SNX27: variants seen among roughly 807,000 people sequenced by gnomAD.
The protein encoded by SNX27 is sorting nexin 27.
SNX27 carries 22 observed loss-of-function variants against 71.6 expected under a neutral mutation model. The observed-to-expected ratio is 0.31, with a 90% CI of 0.22 to 0.44. SNX27 has a LOEUF of 0.44. SNX27 is among the 20% of genes least tolerant of loss of function. The probability of loss-of-function intolerance (pLI) is 1.00; values close to 1 mark genes in which losing one functional copy is unlikely to be tolerated. For missense variants in SNX27, 531 were observed against 698.6 expected (o/e 0.76, Z 2.70); for synonymous variants, 269 against 277.2 (o/e 0.97, Z 0.29).
At chr1:151,687,581 CAG>C (rs1355251421) in intron 8 of SNX27, among the ~76,000 whole-genome samples, 3 of 152,270 alleles carry the variant, frequency 2.0e-5, no homozygotes, top group African/African-American at 7.2e-5. Context: ...TTTGGGAGAA[CAG>C]AGAGTTCTCT....
intron 7 of SNX27, 51 bp downstream of exon 7, chr1:151,668,686 A>G (rs1015699206): frequency 4.5e-6 from 7 of 1,564,584 alleles, no homozygotes; most frequent in East Asian, 2.2e-5. Flanking sequence ...ATGTTTGAAT[A>G]TAGTTGGTAC....
intron 2 of SNX27, among the ~76,000 whole-genome samples, chr1:151,648,014 AC>A (rs774801159): frequency 2.1e-4 from 32 of 152,170 alleles, no homozygotes; most frequent in East Asian, 5.8e-4. Context: ...CAACAAAAAA[AC>A]AATTGCCTTT....
Position 151,694,457 on chromosome 1 carries a change from C to T in SNX27, c.*40C>T. On this transcript the variant is annotated 3_prime_UTR_variant, in exon 12 of 12. Coordinates refer to ENST00000458013, the MANE Select transcript of SNX27 (RefSeq NM_001330723.2). Reference sequence around the variant, plus strand: ...CTTCCCTTCCCTTCACCCCCATCCTCTTACTCCTTTCATGTCCCATTTCAG... The same window carrying T: ...CTTCCCTTCCCTTCACCCCCATCCTTTTACTCCTTTCATGTCCCATTTCAG... The T allele has an allele frequency of 6.5e-7, 1 of 1,533,676 alleles. No homozygotes were observed. Among genetic ancestry groups the T allele is most frequent in the African/African-American group, 1.4e-5 (1 of 72,506 alleles).
chr1:151,629,418 G>C (rs1287202380), intron 1 of SNX27: 2 of 150,480 alleles, frequency 1.3e-5, no homozygotes, highest in South Asian at 2.1e-4. Flanking sequence ...TTTGTGAAGT[G>C]TTCCATATAT....
At chr1:151,657,736 A>T (rs1571831559) in intron 2 of SNX27, among the ~76,000 whole-genome samples, 4 of 152,312 alleles carry the variant, frequency 2.6e-5, no homozygotes, top group Admixed American at 2.0e-4. Context: ...CAAAAATAAG[A>T]TCACACTCCT....
intron 1 of SNX27, among the ~76,000 whole-genome samples, chr1:151,615,002 G>A (rs1667362340): frequency 1.3e-5 from 2 of 152,156 alleles, no homozygotes; most frequent in South Asian, 4.1e-4. Flanking sequence ...TAATCCCCTA[G>A]GAAAGGTAGA....
In SNX27 at chr1:151,650,746, C is replaced by T. The variant is rs1046277267; in HGVS notation, c.544-7489C>T. ...TGGTTTTCCTAGGCAGAGGACCCTG[C>T]GGCCTTCCGCAGTGTTTGTGTCCCT... On this transcript the variant is annotated intron_variant, in intron 2 of 11. Transcript: ENST00000458013. Among the ~76,000 whole-genome samples the T allele has an allele frequency of 2.6e-4, 39 of 151,792 alleles. No homozygotes were observed. The South Asian group carries it at 6.6e-3, about 26-fold the overall frequency.
intron 1 of SNX27, among the ~76,000 whole-genome samples, chr1:151,636,739 G>C (rs1248672786): frequency 6.7e-6 from 1 of 150,016 alleles, no homozygotes; most frequent in Non-Finnish European, 1.5e-5. Flanking sequence ...AAGAATGTAT[G>C]GTGATTTCTA....
intron 2 of SNX27, among the ~76,000 whole-genome samples, chr1:151,642,277 C>A (rs1419051942): frequency 6.6e-6 from 1 of 151,590 alleles, no homozygotes; most frequent in East Asian, 1.9e-4. Flanking sequence ...ATCCCAGCTA[C>A]TTGGGAGGCT....
chr1:151,631,690 A>AT (rs1240700840), intron 1 of SNX27, among the ~76,000 whole-genome samples: 8 of 151,112 alleles, frequency 5.3e-5, no homozygotes, highest in East Asian at 3.9e-4. Flanking sequence ...AAATGCTTAA[A>AT]TTTTTTTTTT....
chr1:151,693,549 T>TG lies in SNX27; in HGVS notation c.1578+68dup, dbSNP rs372667801. Reference sequence around the variant, plus strand: ...TGTTTCTTTAAAATTTATAGGCCTGTGGCCAAATACCTGGGACCCTCACCT... The same window carrying TG: ...TGTTTCTTTAAAATTTATAGGCCTGTGGGCCAAATACCTGGGACCCTCACCT... On this transcript the variant is annotated intron_variant, in intron 11 of 11. Coordinates refer to ENST00000458013, the MANE Select transcript of SNX27 (RefSeq NM_001330723.2). The TG allele has an allele frequency of 7.8e-4, 1,244 of 1,595,882 alleles. 32 individuals carry two copies. The East Asian group carries it at 0.027, about 35-fold the overall frequency.
chr1:151,625,784 CAAAAAAAAA>C (rs773796738), intron 1 of SNX27, among the ~76,000 whole-genome samples: 2 of 83,244 alleles, frequency 2.4e-5, no homozygotes, highest in Non-Finnish European at 5.0e-5. Flanking sequence ...ACTCTGTGTC[CAAAAAAAAA>C]AAAAAAAAGC....
At chr1:151,647,353 T>C (rs1390436596) in intron 2 of SNX27, among the ~76,000 whole-genome samples, 1 of 151,096 alleles carries the variant, frequency 6.6e-6, no homozygotes, top group Non-Finnish European at 1.5e-5. Context: ...TTTCACCATG[T>C]TGGCCAGGCT....
At chr1:151,646,882 GACAC>G (rs76803336) in intron 2 of SNX27, among the ~76,000 whole-genome samples, 8 of 148,580 alleles carry the variant, frequency 5.4e-5, no homozygotes, top group Admixed American at 1.3e-4. Context: ...GCTGGACACA[GACAC>G]ACACACACAC....
chr1:151,665,861 A>G (rs1319245480), intron 5 of SNX27, 72 bp from the exon 6 acceptor site: 3 of 1,302,828 alleles, frequency 2.3e-6, no homozygotes, highest in South Asian at 1.3e-5. Flanking sequence ...CTCCACAGAC[A>G]TACACCTGCT....
rs763588232 is a variant in SNX27, at chr1:151,612,999, C to T, written c.311+487C>T. On this transcript the variant is annotated intron_variant, in intron 1 of 11. Coordinates refer to ENST00000458013, the MANE Select transcript of SNX27 (RefSeq NM_001330723.2). This position sits in a 1 kb window ranked among gnomAD's most constrained non-coding sequence, Gnocchi z 5.2. ...CCGCCCCCGTGGACTGCCCCTTCTGCCCTCCAGACCAAGTAGGCAGGACCT... is the reference window on the plus strand; with the variant it reads ...CCGCCCCCGTGGACTGCCCCTTCTGTCCTCCAGACCAAGTAGGCAGGACCT... 1.3e-4 allele frequency among the ~76,000 whole-genome samples: 20 copies of T among 151,938 alleles called. No homozygotes were observed. Among genetic ancestry groups the T allele is most frequent in the Admixed American group, 2.6e-4 (4 of 15,242 alleles).
At chr1:151,615,649 T>C (rs1667392802) in intron 1 of SNX27, 1 of 975,574 alleles carries the variant, frequency 1.0e-6, no homozygotes, top group Non-Finnish European at 1.2e-6. Context: ...TGGATTATCA[T>C]TGTGTGGATA....
chr1:151,693,178 G>C (rs530862536), intron 10 of SNX27, 139 bp downstream of exon 10: 2 of 1,291,472 alleles, frequency 1.5e-6, no homozygotes, highest in African/African-American at 3.0e-5. Context: ...GGAGCCCCCA[G>C]ATTCATCCTG....
intron 2 of SNX27, among the ~76,000 whole-genome samples, chr1:151,651,382 A>AC (rs1284815875): frequency 6.4e-4 from 83 of 130,334 alleles, no homozygotes; most frequent in East Asian, 2.0e-3. Context: ...CGGGGGGCTG[A>AC]CCCCCCCCAC....
Sources: allele counts gnomAD v4.1 joint callset (sites outside exome capture counted in the v4.1 genomes callset), GRCh38; gene constraint gnomAD v4.1.1; non-coding constraint Gnocchi (gnomAD v3.1); transcripts MANE v1.5; gene names NCBI Gene and HGNC (gene_info 2026-07-23, HGNC 2026-07-21).